ZHX2: variants seen among roughly 807,000 people sequenced by gnomAD.
ZHX2 encodes the protein zinc fingers and homeoboxes 2.
In ZHX2, 6 loss-of-function variants were observed where a neutral mutation model predicts 21.9. The observed-to-expected ratio is 0.27, with a 90% CI of 0.15 to 0.54. The LOEUF is 0.54. Ranked by LOEUF, ZHX2 falls within the 20% of genes least tolerant of loss-of-function variation. The probability of loss-of-function intolerance (pLI) is 0.95; values close to 1 mark genes in which losing one functional copy is unlikely to be tolerated. For missense variants in ZHX2, 908 were observed against 1,090.7 expected, an observed-to-expected ratio of 0.83 and a Z score of 2.36; for synonymous variants, 434 against 437.1, an observed-to-expected ratio of 0.99 and a Z score of 0.09.
chr8:122,861,192 A>T (rs894319914), intron 1 of ZHX2, among the ~76,000 whole-genome samples: 1 of 152,160 alleles, frequency 6.6e-6, no homozygotes. Context: ...GGTGTCATGG[A>T]CAGCATGGAG....
At chr8:122,879,506 GTT>G (rs150176374) in intron 2 of ZHX2, among the ~76,000 whole-genome samples, 3,977 of 145,080 alleles carry the variant, frequency 0.027, 53 homozygotes, top group African/African-American at 0.032. Flanking sequence ...CACCGGGCTG[GTT>G]TTTTTTTTTT....
chr8:122,784,112 G>A (rs564674498), intron 1 of ZHX2, among the ~76,000 whole-genome samples: 18 of 152,200 alleles, frequency 1.2e-4, no homozygotes, highest in Non-Finnish European at 2.1e-4. Flanking sequence ...TGAAGAAAGG[G>A]TATTCCTGTG....
At chr8:122,940,060 G>A (rs1216402723) in intron 2 of ZHX2, among the ~76,000 whole-genome samples, 2 of 152,230 alleles carry the variant, frequency 1.3e-5, no homozygotes, top group Admixed American at 6.5e-5. Context: ...GTTAGCCATG[G>A]TGAATTAACA....
In ZHX2 at chr8:122,875,212, C is replaced by G. The variant is rs998600860; in HGVS notation, c.-220+11673C>G. Among the ~76,000 whole-genome samples the G allele has an allele frequency of 2.4e-5, 3 of 124,536 alleles. No homozygotes were observed. In the Admixed American group the frequency reaches 2.5e-4, roughly 10 times the overall value. 81.7% of individuals were successfully genotyped at this position (124,536 alleles called of 152,430 possible). On this transcript the variant is annotated intron_variant, in intron 2 of 3. Transcript: ENST00000314393. Reference sequence around the variant, plus strand: ...ATATATATCCTTTTACTTTGCCTTCCTTTTCTCTTGTCTTTTCTCAGAAGG... The same window carrying G: ...ATATATATCCTTTTACTTTGCCTTCGTTTTCTCTTGTCTTTTCTCAGAAGG...
intron 1 of ZHX2, among the ~76,000 whole-genome samples, chr8:122,859,708 C>G (rs1819116672): frequency 6.6e-6 from 1 of 152,084 alleles, no homozygotes; most frequent in Non-Finnish European, 1.5e-5. Flanking sequence ...TGTTAGCTGT[C>G]CCTGTCTTGC....
intron 1 of ZHX2, among the ~76,000 whole-genome samples, chr8:122,804,701 C>A: frequency 6.6e-6 from 1 of 152,222 alleles, no homozygotes; most frequent in Non-Finnish European, 1.5e-5. Context: ...CATTTTCACA[C>A]TTGAACATCA....
chr8:122,952,644 G>A lies in ZHX2; in HGVS notation c.1134G>A (p.Leu378=). 6.2e-7 allele frequency: 1 copy of A among 1,614,172 alleles called. No individual in the cohort carries two copies. The highest frequency in any genetic ancestry group is 8.5e-7 in the Non-Finnish European group (1 of 1,180,040). The change falls in exon 3 of 4, where the codon CTG becomes CTA. Residue 378 remains leucine, a synonymous_variant. Coordinates refer to ENST00000314393, the MANE Select transcript of ZHX2 (RefSeq NM_014943.5). This position sits in a 1 kb window ranked among gnomAD's most constrained non-coding sequence, Gnocchi z 6.9. ...TCCTCGGCCAGACTAGCCTGGTGCT[G>A]ACTCAGGTGACCAGCGGGTCAACAA... ...CQILGQTSLV[L]TQVTSGSTTV...
At chr8:122,795,301 C>G (rs1215660239) in intron 1 of ZHX2, among the ~76,000 whole-genome samples, 1 of 152,248 alleles carries the variant, frequency 6.6e-6, no homozygotes, top group African/African-American at 2.4e-5. Flanking sequence ...GTGTCTATCC[C>G]AGGCCAGCTT....
intron 2 of ZHX2, among the ~76,000 whole-genome samples, chr8:122,911,882 G>A (rs1327289303): frequency 6.6e-6 from 1 of 152,132 alleles, no homozygotes; most frequent in African/African-American, 2.4e-5. Context: ...AAGCTTTGGG[G>A]TGGGCTGGAG....
At chr8:122,964,493 C>T (rs563013626) in intron 3 of ZHX2, among the ~76,000 whole-genome samples, 10 of 151,956 alleles carry the variant, frequency 6.6e-5, no homozygotes, top group Middle Eastern at 6.8e-3. Context: ...GTATAAAACC[C>T]GCTTGATCAT....
Position 122,951,822 on chromosome 8 carries a change from G to A in ZHX2, c.312G>A (p.Val104=). The A allele has an allele frequency of 6.2e-7, 1 of 1,614,112 alleles. No homozygotes were observed. The highest frequency in any genetic ancestry group is 8.5e-7 in the Non-Finnish European group (1 of 1,180,028). The change falls in exon 3 of 4, where the codon GTG becomes GTA. Residue 104 remains valine, a synonymous_variant. Transcript: ENST00000314393. ...ATGTCGACATGCAGCATCCCAACGT[G>A]ATTCTCAACCCCCTCTACGTGTGTG... ...TEHVDMQHPN[V]ILNPLYVCAE...
At chr8:122,798,867 C>T (rs1817663488) in intron 1 of ZHX2, among the ~76,000 whole-genome samples, 1 of 151,978 alleles carries the variant, frequency 6.6e-6, no homozygotes, top group African/African-American at 2.4e-5. Context: ...TGTGATTAAC[C>T]ATCCAAGCAT....
chr8:122,872,011 A>G (rs1431857653), intron 2 of ZHX2, among the ~76,000 whole-genome samples: 4 of 152,096 alleles, frequency 2.6e-5, no homozygotes, highest in African/African-American at 9.7e-5. Context: ...ATCCTACCCA[A>G]CTGCACTATA....
intron 1 of ZHX2, among the ~76,000 whole-genome samples, chr8:122,815,241 A>G (rs1818007006): frequency 6.6e-6 from 1 of 152,248 alleles, no homozygotes; most frequent in African/African-American, 2.4e-5. Flanking sequence ...TCCGTTAGGT[A>G]CAATAGGCAC....
intron 2 of ZHX2, among the ~76,000 whole-genome samples, chr8:122,866,819 C>T (rs753539220): frequency 2.0e-5 from 3 of 152,038 alleles, no homozygotes; most frequent in Non-Finnish European, 4.4e-5. Flanking sequence ...AAAATAATTT[C>T]TTTATTTTTT....
At chr8:122,893,192 A>T (rs538553996) in intron 2 of ZHX2, among the ~76,000 whole-genome samples, 25 of 152,266 alleles carry the variant, frequency 1.6e-4, no homozygotes, top group African/African-American at 5.3e-4. Context: ...TTGGCTGAAA[A>T]ATATGGTGTT....
In ZHX2 at chr8:122,861,918, G is replaced by A. The variant is rs557395131; in HGVS notation, c.-282-1559G>A. On this transcript the variant is annotated intron_variant, in intron 1 of 3. Coordinates refer to ENST00000314393, the MANE Select transcript of ZHX2 (RefSeq NM_014943.5). ...CTTGTCTCCTGGGGCGCCTCCTCCC[G>A]CCGGATGGTTAGTTCTAAAGGGCAG... Among the ~76,000 whole-genome samples, 6 of 152,252 alleles carry A rather than the reference G, an allele frequency of 3.9e-5. No homozygotes were observed. The South Asian group carries it at 8.3e-4, about 21-fold the overall frequency.
At chr8:122,809,601 G>A (rs578012664) in intron 1 of ZHX2, among the ~76,000 whole-genome samples, 2 of 152,304 alleles carry the variant, frequency 1.3e-5, no homozygotes, top group East Asian at 3.9e-4. Context: ...TCCCACGCTG[G>A]TATTTAGTTA....
chr8:122,786,762 G>T (rs1163538597), intron 1 of ZHX2, among the ~76,000 whole-genome samples: 1 of 148,612 alleles, frequency 6.7e-6, no homozygotes, highest in African/African-American at 2.5e-5. Context: ...TGGCAAGTCC[G>T]TACCACACAT....
Sources: gnomAD v4.1 joint callset for allele counts (sites outside exome capture counted in the v4.1 genomes callset) on GRCh38, gnomAD v4.1.1 for gene constraint, Gnocchi (gnomAD v3.1) non-coding constraint, MANE v1.5 for transcripts, NCBI Gene and HGNC (gene_info 2026-07-23, HGNC 2026-07-21) for gene names.